RFX4: variants seen among roughly 807,000 people sequenced by gnomAD.
The protein encoded by RFX4 is transcription factor RFX4.
RFX4 carries 10 observed loss-of-function variants against 95.0 expected under a neutral mutation model. The ratio of observed to expected loss-of-function variants is 0.11; its 90% CI spans 0.06 to 0.18. The LOEUF (loss-of-function observed/expected upper bound fraction) is 0.18. Ranked by LOEUF, RFX4 falls within the 10% of genes least tolerant of loss-of-function variation. RFX4 has a pLI of 1.00. For missense variants in RFX4, 640 were observed against 922.0 expected, an observed-to-expected ratio of 0.69 and a Z score of 3.96; for synonymous variants, 321 against 340.7, an observed-to-expected ratio of 0.94 and a Z score of 0.64.
intron 4 of RFX4, among the ~76,000 whole-genome samples, chr12:106,656,106 T>C (rs73391326): frequency 0.013 from 2,033 of 152,208 alleles, 31 homozygotes; most frequent in African/African-American, 0.046. Context: ...CGCCTTCACC[T>C]CAGCACCCCA....
chr12:106,713,949 A>C (rs895494778), intron 10 of RFX4, among the ~76,000 whole-genome samples: 2 of 151,718 alleles, frequency 1.3e-5, no homozygotes, highest in African/African-American at 2.4e-5. Context: ...ATGCACCTAT[A>C]GTCCCAGCTA....
intron 15 of RFX4, among the ~76,000 whole-genome samples, chr12:106,741,167 G>T (rs565278382): frequency 1.8e-4 from 28 of 152,170 alleles, no homozygotes; most frequent in African/African-American, 6.7e-4. Flanking sequence ...TCAATAGGAG[G>T]TCTCTTTAGA....
chr12:106,730,401 G>A (rs917269814), intron 13 of RFX4, among the ~76,000 whole-genome samples: 1 of 152,154 alleles, frequency 6.6e-6, no homozygotes, highest in Non-Finnish European at 1.5e-5. Context: ...TCTCATCTGT[G>A]CTATGAACAT....
intron 13 of RFX4, among the ~76,000 whole-genome samples, chr12:106,722,030 C>T (rs1179109216): frequency 2.0e-5 from 3 of 152,208 alleles, no homozygotes; most frequent in Non-Finnish European, 1.5e-5. Flanking sequence ...AACCTGCCTG[C>T]ACCATGGCTA....
intron 4 of RFX4, among the ~76,000 whole-genome samples, chr12:106,655,627 C>T (rs1327582733): frequency 1.3e-5 from 2 of 152,174 alleles, no homozygotes; most frequent in African/African-American, 4.8e-5. Context: ...TCGCAGAGGC[C>T]ACAGTGGAAA....
intron 16 of RFX4, among the ~76,000 whole-genome samples, chr12:106,749,276 A>G (rs1015435747): frequency 1.2e-4 from 18 of 150,820 alleles, no homozygotes; most frequent in Non-Finnish European, 1.9e-4. Context: ...AAAAAAAAAA[A>G]AGAGAGCTCC....
At chr12:106,689,899 A>G (rs1200544406) in intron 7 of RFX4, among the ~76,000 whole-genome samples, 1 of 152,116 alleles carries the variant, frequency 6.6e-6, no homozygotes, top group East Asian at 1.9e-4. Context: ...ATTTTAAAAT[A>G]TTGTAGTTAA....
chr12:106,643,292 C>A (rs1190727799), intron 3 of RFX4, among the ~76,000 whole-genome samples: 2 of 152,156 alleles, frequency 1.3e-5, no homozygotes, highest in Non-Finnish European at 2.9e-5. Context: ...GGGATGGGAG[C>A]AGGCTGAGCT....
At chr12:106,602,773 C>T (rs1016471465) in intron 1 of RFX4, among the ~76,000 whole-genome samples, 3 of 152,192 alleles carry the variant, frequency 2.0e-5, no homozygotes, top group African/African-American at 7.2e-5. Context: ...AGAATCCCCC[C>T]TCCTTGTCTC....
At chr12:106,627,583 G>A (rs572128213) in intron 2 of RFX4, among the ~76,000 whole-genome samples, 3 of 152,132 alleles carry the variant, frequency 2.0e-5, no homozygotes, top group South Asian at 2.1e-4. Flanking sequence ...ACAATTCAAG[G>A]CTACGTAAAT....
intron 13 of RFX4, among the ~76,000 whole-genome samples, chr12:106,725,651 AAG>A (rs1421925280): frequency 2.0e-5 from 3 of 152,176 alleles, no homozygotes; most frequent in Non-Finnish European, 4.4e-5. Flanking sequence ...TCATTACTAA[AAG>A]AACACAATCA....
At chr12:106,734,900 C>T (rs1039097072) in intron 15 of RFX4, among the ~76,000 whole-genome samples, 2 of 151,904 alleles carry the variant, frequency 1.3e-5, no homozygotes, top group Admixed American at 1.3e-4. Flanking sequence ...CATCTCTACA[C>T]AAGCTTTTTA....
intron 2 of RFX4, among the ~76,000 whole-genome samples, chr12:106,610,677 G>T (rs749720395): frequency 6.6e-6 from 1 of 152,188 alleles, no homozygotes; most frequent in Non-Finnish European, 1.5e-5. Context: ...ATATTCCTCT[G>T]TATGGATATG....
chr12:106,692,829 C>T (rs984615078), intron 7 of RFX4, among the ~76,000 whole-genome samples: 1 of 152,186 alleles, frequency 6.6e-6, no homozygotes, highest in African/African-American at 2.4e-5. Context: ...TCTTATTTCA[C>T]CCTAATAGTA....
chr12:106,745,332 G>C (rs527943038), intron 15 of RFX4, among the ~76,000 whole-genome samples: 8 of 152,224 alleles, frequency 5.3e-5, no homozygotes, highest in African/African-American at 1.9e-4. Flanking sequence ...GCTCAATAAT[G>C]GTGTCTCCTT....
rs1036119532 is a variant in RFX4 at position 106,586,316 on chromosome 12, C to T, written c.43+2953C>T. 1.3e-5 allele frequency among the ~76,000 whole-genome samples: 2 copies of T among 152,142 alleles called. No individual in the cohort carries two copies. Among genetic ancestry groups the T allele is most frequent in the Non-Finnish European group, 2.9e-5 (2 of 68,002 alleles). On this transcript the variant is annotated intron_variant, in intron 1 of 17. Transcript: ENST00000392842. This position sits in a 1 kb window ranked among gnomAD's most constrained non-coding sequence, Gnocchi z 5.6. Reference sequence around the variant, plus strand: ...GGTGCTGAGCCCCGCGTGGCCTGCGCTCCCCACGCGGGCCACCGGCAGCTA... The same window carrying T: ...GGTGCTGAGCCCCGCGTGGCCTGCGTTCCCCACGCGGGCCACCGGCAGCTA...
intron 7 of RFX4, among the ~76,000 whole-genome samples, chr12:106,691,820 G>A (rs1363574976): frequency 6.6e-6 from 1 of 152,202 alleles, no homozygotes; most frequent in African/African-American, 2.4e-5. Context: ...GGATGAACAG[G>A]TGTAGAAATG....
At chr12:106,664,578 A>G (rs984180385) in intron 4 of RFX4, among the ~76,000 whole-genome samples, 1 of 151,580 alleles carries the variant, frequency 6.6e-6, no homozygotes, top group Admixed American at 6.6e-5. Context: ...TTCTTATTGT[A>G]TCTTCTTCTT....
rs552706833 is a variant in RFX4, at chr12:106,652,771, C to T, written c.192-1457C>T. 5.3e-5 allele frequency among the ~76,000 whole-genome samples: 8 copies of T among 152,234 alleles called. No individual in the cohort carries two copies. In the South Asian group the frequency reaches 8.3e-4, roughly 16 times the overall value. On this transcript the variant is annotated intron_variant, in intron 3 of 17. Transcript: ENST00000392842. ...CAATCACATGTTGGAATAAGTTGAGCGAGTGCTGCCCTTTCAAGTGGGCAC... is the reference window on the plus strand; with the variant it reads ...CAATCACATGTTGGAATAAGTTGAGTGAGTGCTGCCCTTTCAAGTGGGCAC...
Sources: gnomAD v4.1 joint callset for allele counts (sites outside exome capture counted in the v4.1 genomes callset) on GRCh38, gnomAD v4.1.1 for gene constraint, Gnocchi (gnomAD v3.1) non-coding constraint, MANE v1.5 for transcripts, NCBI Gene and HGNC (gene_info 2026-07-23, HGNC 2026-07-21) for gene names.